SPECC1: variants seen among roughly 807,000 people sequenced by gnomAD.
SPECC1 encodes the protein cytospin-B.
Under a neutral mutation model 104.1 loss-of-function variants are expected in SPECC1, and 62 were observed. The observed-to-expected ratio is 0.60, with a 90% CI of 0.49 to 0.74. The LOEUF (loss-of-function observed/expected upper bound fraction) is 0.74, where lower values mean the gene tolerates loss of function less well. Ranked by LOEUF, SPECC1 falls within the 30% of genes least tolerant of loss-of-function variation. The pLI, the probability that SPECC1 is intolerant of heterozygous loss-of-function variation, is 0.00. For missense variants in SPECC1, 1,306 were observed against 1,310.5 expected, an observed-to-expected ratio of 1.00 and a Z score of 0.05; for synonymous variants, 513 against 501.6, an observed-to-expected ratio of 1.02 and a Z score of -0.30.
chr17:20,053,901 G>A (rs2045866815), intron 1 of SPECC1, among the ~76,000 whole-genome samples: 1 of 152,174 alleles, frequency 6.6e-6, no homozygotes, highest in Non-Finnish European at 1.5e-5. Context: ...GTCAGTGATT[G>A]GCTACACACC....
At chr17:20,240,449 A>T (rs909877320) in intron 7 of SPECC1, among the ~76,000 whole-genome samples, 1 of 152,058 alleles carries the variant, frequency 6.6e-6, no homozygotes, top group Non-Finnish European at 1.5e-5. Flanking sequence ...ATTTTTATGT[A>T]AACTGTTAGT....
At chr17:20,035,315 A>T (rs549447379) in intron 1 of SPECC1, among the ~76,000 whole-genome samples, 1 of 152,138 alleles carries the variant, frequency 6.6e-6, no homozygotes, top group Non-Finnish European at 1.5e-5. Context: ...GTCTATATCT[A>T]TGTAAAATTT....
intron 12 of SPECC1, among the ~76,000 whole-genome samples, chr17:20,276,127 T>C (rs1374307356): frequency 6.6e-6 from 1 of 152,224 alleles, no homozygotes; most frequent in Non-Finnish European, 1.5e-5. Context: ...TTCTCTTTTT[T>C]TCCCCCAGAG....
At chr17:20,138,502 A>G (rs929443570) in intron 3 of SPECC1, among the ~76,000 whole-genome samples, 32 of 152,102 alleles carry the variant, frequency 2.1e-4, no homozygotes, top group African/African-American at 7.2e-4. Context: ...ACTGCCCCCA[A>G]AATCCTCTGT....
intron 4 of SPECC1, among the ~76,000 whole-genome samples, chr17:20,226,540 G>T (rs1359631480): frequency 6.6e-6 from 1 of 152,130 alleles, no homozygotes; most frequent in Non-Finnish European, 1.5e-5. Context: ...TACTCTCTGA[G>T]GTAGGAGGGA....
rs1323264801 is a variant in SPECC1, at chr17:20,009,604, G to A, written c.-22+180G>A. Among the ~76,000 whole-genome samples the A allele has an allele frequency of 6.6e-6, 1 of 152,122 alleles. No individual in the cohort carries two copies. The highest frequency in any genetic ancestry group is 6.5e-5 in the Admixed American group (1 of 15,290). ...GCGGGGGCCCCGGTCCCCTCGTCGC[G>A]TGTCCTGTCCCCAGCCCAGGAGGGA... On this transcript the variant is annotated intron_variant, in intron 1 of 14. Coordinates refer to ENST00000395527, the MANE Select transcript of SPECC1 (RefSeq NM_001243439.2). The surrounding 1 kb of genome is among the most constrained non-coding windows in gnomAD (Gnocchi z 5.2).
intron 3 of SPECC1, among the ~76,000 whole-genome samples, chr17:20,113,747 C>T (rs1450200153): frequency 6.6e-6 from 1 of 152,206 alleles, no homozygotes; most frequent in South Asian, 2.1e-4. Context: ...CTCAGAATGT[C>T]ATTCTAGGCA....
chr17:20,193,176 A>G (rs1295496897), intron 3 of SPECC1, among the ~76,000 whole-genome samples: 1 of 152,186 alleles, frequency 6.6e-6, no homozygotes, highest in Non-Finnish European at 1.5e-5. Context: ...GCAGGAGTGT[A>G]GTAGTGAGGA....
intron 3 of SPECC1, among the ~76,000 whole-genome samples, chr17:20,128,674 G>A (rs2049444627): frequency 6.6e-6 from 1 of 151,858 alleles, no homozygotes; most frequent in Non-Finnish European, 1.5e-5. Context: ...AATCAGTAAT[G>A]GGTGAATTTT....
intron 3 of SPECC1, among the ~76,000 whole-genome samples, chr17:20,139,271 C>T (rs1248592546): frequency 2.6e-5 from 4 of 152,204 alleles, no homozygotes; most frequent in Non-Finnish European, 2.9e-5. Context: ...ACCTGCATCT[C>T]GGATCCCAAC....
At chr17:20,260,697 G>GGGA (rs1217499850) in intron 12 of SPECC1, among the ~76,000 whole-genome samples, 14 of 152,212 alleles carry the variant, frequency 9.2e-5, no homozygotes, top group African/African-American at 3.1e-4. Context: ...TCAGGCATGA[G>GGGA]GGAGGAAGCA....
chr17:20,073,129 T>G (rs536886251), intron 1 of SPECC1, among the ~76,000 whole-genome samples: 1 of 152,316 alleles, frequency 6.6e-6, no homozygotes, highest in Admixed American at 6.5e-5. Context: ...TTCCGATGCC[T>G]ACCTTTGAGA....
intron 3 of SPECC1, among the ~76,000 whole-genome samples, chr17:20,181,281 TAAAGAG>T (rs1357637511): frequency 6.6e-6 from 1 of 150,412 alleles, no homozygotes; most frequent in East Asian, 1.9e-4. Flanking sequence ...AAGTACAAAA[TAAAGAG>T]AAAGGTAAAA....
chr17:20,244,561 G>A (rs564877400), intron 7 of SPECC1, among the ~76,000 whole-genome samples: 1 of 152,148 alleles, frequency 6.6e-6, no homozygotes, highest in East Asian at 1.9e-4. Flanking sequence ...ACTGTTTTAA[G>A]TTCTGTTTCT....
At chr17:20,025,100 A>AT (rs1211710527) in intron 1 of SPECC1, among the ~76,000 whole-genome samples, 1 of 152,140 alleles carries the variant, frequency 6.6e-6, no homozygotes, top group African/African-American at 2.4e-5. Context: ...GTGCATAGCA[A>AT]TTGGCCATGA....
At chr17:20,032,498 A>G (rs1196277446) in intron 1 of SPECC1, among the ~76,000 whole-genome samples, 1 of 151,740 alleles carries the variant, frequency 6.6e-6, no homozygotes, top group Non-Finnish European at 1.5e-5. Context: ...TGTCTATTGA[A>G]GTATATTTGT....
intron 14 of SPECC1, among the ~76,000 whole-genome samples, chr17:20,306,488 G>T (rs1162776829): frequency 2.6e-5 from 4 of 152,212 alleles, no homozygotes; most frequent in Non-Finnish European, 4.4e-5. Context: ...GCAAAACTCG[G>T]CAGGGGTGGG....
chr17:20,189,439 G>C (rs1363344437), intron 3 of SPECC1, among the ~76,000 whole-genome samples: 1 of 152,140 alleles, frequency 6.6e-6, no homozygotes, highest in African/African-American at 2.4e-5. Context: ...TTTTCAAATG[G>C]CCTGTCAGGA....
intron 3 of SPECC1, among the ~76,000 whole-genome samples, chr17:20,184,390 A>G (rs1016240944): frequency 2.0e-5 from 3 of 152,174 alleles, no homozygotes; most frequent in Non-Finnish European, 4.4e-5. Flanking sequence ...GAGAGAATGT[A>G]TTCTTGGAAG....
Sources: gnomAD v4.1 joint callset for allele counts (sites outside exome capture counted in the v4.1 genomes callset) on GRCh38, gnomAD v4.1.1 for gene constraint, Gnocchi (gnomAD v3.1) non-coding constraint, MANE v1.5 for transcripts, NCBI Gene and HGNC (gene_info 2026-07-23, HGNC 2026-07-21) for gene names.